The following CGGBP1 variants were observed in gnomAD, a reference collection of about 807,000 sequenced individuals.
CGGBP1 encodes CGG triplet repeat-binding protein 1.
A neutral mutation model predicts 11.4 loss-of-function variants in CGGBP1; 4 were observed. That is an observed-to-expected ratio of 0.35 (90% CI 0.17 to 0.80). The LOEUF (loss-of-function observed/expected upper bound fraction) is 0.80. Ranked by LOEUF, CGGBP1 falls within the 30% of genes least tolerant of loss-of-function variation. The pLI, the probability that CGGBP1 is intolerant of heterozygous loss-of-function variation, is 0.52. For missense variants in CGGBP1, 135 were observed against 202.1 expected, an observed-to-expected ratio of 0.67 and a Z score of 2.01; for synonymous variants, 76 against 74.1, an observed-to-expected ratio of 1.03 and a Z score of -0.13.
At chr3:88,102,006 A>G (rs536758568) in intron 2 of CGGBP1, among the ~76,000 whole-genome samples, 3 of 151,570 alleles carry the variant, frequency 2.0e-5, no homozygotes, top group Admixed American at 6.6e-5. Flanking sequence ...ATTATTTGTC[A>G]TCTTACTGAG....
At chr3:88,065,405 G>A (rs1209872909) in intron 2 of CGGBP1, among the ~76,000 whole-genome samples, 1 of 151,954 alleles carries the variant, frequency 6.6e-6, no homozygotes, top group Non-Finnish European at 1.5e-5. Context: ...CTATTATTAG[G>A]GGAGTTAGTA....
At chr3:88,069,039 A>G (rs1289915649) in intron 2 of CGGBP1, among the ~76,000 whole-genome samples, 1 of 152,220 alleles carries the variant, frequency 6.6e-6, no homozygotes, top group Non-Finnish European at 1.5e-5. Flanking sequence ...CACTGTTAAA[A>G]AGACTCAAGG....
At chr3:88,143,271 C>T (rs2107911245) in intron 1 of CGGBP1, 1 of 152,170 alleles carries the variant, frequency 6.6e-6, no homozygotes, top group East Asian at 1.9e-4. Context: ...TCAGCATTCA[C>T]TACTATGCAA....
rs1177267409 is a variant in CGGBP1 at position 88,052,556 on chromosome 3, T to C, written c.*2917A>G. On this transcript the variant is annotated 3_prime_UTR_variant, in exon 4 of 4. Transcript: ENST00000482016. ...AAGTTTTAACGTGGAAGTTTCAGCT[T>C]GGAGATCTTGCCAACTGTACTTACA... 1 of 152,628 alleles carries C rather than the reference T, an allele frequency of 6.6e-6. No homozygotes were observed. Among genetic ancestry groups the C allele is most frequent in the Non-Finnish European group, 1.5e-5 (1 of 68,012 alleles). 9.5% of individuals were successfully genotyped at this position (152,628 alleles called of 1,614,324 possible).
chr3:88,059,319 C>T (rs1304102520), upstream of CGGBP1: 5 of 1,533,568 alleles, frequency 3.3e-6, no homozygotes, highest in Non-Finnish European at 4.4e-6. Flanking sequence ...GCGAGAGCCT[C>T]ATGGCGGAGG....
At chr3:88,141,702 C>T (rs1201313743) in intron 1 of CGGBP1, 3 of 1,422,556 alleles carry the variant, frequency 2.1e-6, no homozygotes, top group South Asian at 3.1e-5. Flanking sequence ...GTGAAAAAAG[C>T]ACTATAAGAA....
At chr3:88,134,103 TAAAA>T (rs749235741) in intron 2 of CGGBP1, among the ~76,000 whole-genome samples, 1 of 142,336 alleles carries the variant, frequency 7.0e-6, no homozygotes. Flanking sequence ...GAGTGTGAGT[TAAAA>T]AAAAAAAAGG....
chr3:88,108,581 C>G (rs1704889040), intron 2 of CGGBP1, among the ~76,000 whole-genome samples: 1 of 152,104 alleles, frequency 6.6e-6, no homozygotes. Flanking sequence ...CACACCATCC[C>G]AACTAGGATG....
At chr3:88,107,975 ATTG>A (rs1034308666) in intron 2 of CGGBP1, among the ~76,000 whole-genome samples, 55 of 151,272 alleles carry the variant, frequency 3.6e-4, no homozygotes, top group Non-Finnish European at 2.2e-4. Context: ...TGTGGTTTTT[ATTG>A]TTCTTATCAT....
At chr3:88,148,627 C>A (rs1187610322) in intron 1 of CGGBP1, among the ~76,000 whole-genome samples, 1 of 152,146 alleles carries the variant, frequency 6.6e-6, no homozygotes, top group Admixed American at 6.5e-5. Context: ...CAATATATGA[C>A]TGATATTTAG....
chr3:88,091,422 A>T (rs1294393519), intron 2 of CGGBP1, among the ~76,000 whole-genome samples: 1 of 152,240 alleles, frequency 6.6e-6, no homozygotes, highest in Admixed American at 6.5e-5. Context: ...ATTATTCGTA[A>T]GGAAGAAGTA....
At chr3:88,080,830 A>T (rs556116765) in intron 2 of CGGBP1, among the ~76,000 whole-genome samples, 42 of 152,332 alleles carry the variant, frequency 2.8e-4, no homozygotes, top group African/African-American at 8.9e-4. Flanking sequence ...TTGTTTTTAA[A>T]TTTTTTAAAA....
intron 1 of CGGBP1, among the ~76,000 whole-genome samples, chr3:88,146,974 C>G (rs971164650): frequency 5.9e-5 from 9 of 152,166 alleles, no homozygotes; most frequent in Non-Finnish European, 1.0e-4. Context: ...TTCCCTGCTT[C>G]TACCCTTACC....
rs111741684 is a variant in CGGBP1 at position 88,149,082 on chromosome 3, A to G, written c.-338+629T>C. 6.9e-3 allele frequency among the ~76,000 whole-genome samples: 1,046 copies of G among 152,342 alleles called. 8 individuals are homozygous for G. Among genetic ancestry groups the G allele is most frequent in the Middle Eastern group, 0.02 (6 of 294 alleles). ...AATGGAAAAAGGCAAGTGACAATGC[A>G]TTTAGTCTGATTCCTGTTTAACAGA... On this transcript the variant is annotated intron_variant, in intron 1 of 3. Transcript: ENST00000462901.
chr3:88,145,463 A>G (rs1225611646), intron 1 of CGGBP1, among the ~76,000 whole-genome samples: 4 of 152,150 alleles, frequency 2.6e-5, no homozygotes, highest in Non-Finnish European at 5.9e-5. Flanking sequence ...TAGACTCAAT[A>G]TATTCCATAT....
chr3:88,053,385 A>C lies in CGGBP1; in HGVS notation c.*2088T>G, dbSNP rs1316163812. On this transcript the variant is annotated 3_prime_UTR_variant, in exon 4 of 4. Transcript: ENST00000482016. ...TCCTAACAGAATGGACTATGCCCCT[A>C]GTTACAGTGAATGTGGGAATTAATT... 2 of 152,186 alleles carry C rather than the reference A, an allele frequency of 1.3e-5. No homozygotes were observed. The highest frequency in any genetic ancestry group is 2.9e-5 in the Non-Finnish European group (2 of 67,978). 9.4% of individuals were successfully genotyped at this position (152,186 alleles called of 1,614,324 possible).
intron 1 of CGGBP1, chr3:88,142,627 T>A (rs1402577549): frequency 6.6e-6 from 1 of 152,408 alleles, no homozygotes; most frequent in African/African-American, 2.4e-5. Flanking sequence ...CCTATTAAAA[T>A]AACTGGCTCA....
intron 2 of CGGBP1, chr3:88,140,511 G>C (rs1360843277): frequency 1.9e-6 from 3 of 1,613,744 alleles, no homozygotes; most frequent in Non-Finnish European, 2.5e-6. Flanking sequence ...ACGTTCTGAT[G>C]ACACTGTTTC....
At chr3:88,080,501 A>G (rs1708023976) in intron 2 of CGGBP1, among the ~76,000 whole-genome samples, 1 of 152,134 alleles carries the variant, frequency 6.6e-6, no homozygotes, top group Non-Finnish European at 1.5e-5. Flanking sequence ...GTGATATTAA[A>G]TTCATTTTAT....
Sources: gnomAD v4.1 joint callset for allele counts (sites outside exome capture counted in the v4.1 genomes callset) on GRCh38, gnomAD v4.1.1 for gene constraint, MANE v1.5 for transcripts, NCBI Gene and HGNC (gene_info 2026-07-23, HGNC 2026-07-21) for gene names.